FAM120B: variants seen among roughly 807,000 people sequenced by gnomAD.
FAM120B encodes the protein constitutive coactivator of peroxisome proliferator-activated receptor gamma.
FAM120B carries 83 observed loss-of-function variants against 96.3 expected under a neutral mutation model. The observed-to-expected ratio is 0.86, with a 90% CI of 0.72 to 1.03. The LOEUF (loss-of-function observed/expected upper bound fraction) is 1.03, where lower values mean the gene tolerates loss of function less well. Among genes scored for constraint, FAM120B ranks in the 50% least tolerant of loss-of-function variants. The pLI is 0.00. For synonymous variants in FAM120B, 407 were observed against 402.7 expected, an observed-to-expected ratio of 1.01 and a Z score of -0.13; for missense variants, 1,027 against 1,121.2, an observed-to-expected ratio of 0.92 and a Z score of 1.20.
intron 7 of FAM120B, 36 bp downstream of exon 7, chr6:170,388,529 T>TC (rs751587885): frequency 1.3e-6 from 2 of 1,548,042 alleles, no homozygotes; most frequent in Non-Finnish European, 1.8e-6. Context: ...ACCAGAAACA[T>TC]CCCTGTAGCT....
chr6:170,377,624 A>C (rs138043941), intron 6 of FAM120B, among the ~76,000 whole-genome samples: 6 of 5,312 alleles, frequency 1.1e-3, no homozygotes, highest in Admixed American at 1.6e-3. Flanking sequence ...GGGAGAGCAC[A>C]GGCTCACGCT....
intron 4 of FAM120B, among the ~76,000 whole-genome samples, chr6:170,336,425 T>A (rs1786424387): frequency 6.6e-6 from 1 of 152,176 alleles, no homozygotes; most frequent in East Asian, 1.9e-4. Context: ...CCACGCTGTT[T>A]TGGTTACTGT....
chr6:170,314,207 T>C (rs2115008649), intron 1 of FAM120B, among the ~76,000 whole-genome samples: 1 of 152,372 alleles, frequency 6.6e-6, no homozygotes. Flanking sequence ...AGCTCCTTAC[T>C]GGGATTTCCT....
intron 1 of FAM120B, among the ~76,000 whole-genome samples, chr6:170,297,209 C>T (rs886649172): frequency 2.6e-5 from 4 of 152,224 alleles, no homozygotes; most frequent in Admixed American, 1.3e-4. Context: ...GTTTCCTCCA[C>T]GCCCTTTCAC....
intron 6 of FAM120B, among the ~76,000 whole-genome samples, chr6:170,383,895 T>C (rs920892429): frequency 5.9e-5 from 9 of 152,182 alleles, no homozygotes; most frequent in Non-Finnish European, 8.8e-5. Context: ...TGGACGAATG[T>C]TTAACAGGCT....
At chr6:170,316,626 A>G (rs1256628532) in intron 1 of FAM120B, among the ~76,000 whole-genome samples, 2 of 152,240 alleles carry the variant, frequency 1.3e-5, no homozygotes, top group South Asian at 2.1e-4. Context: ...GTCAATCACT[A>G]TCTCAGATAC....
chr6:170,369,689 G>GTTTT (rs556518944), intron 6 of FAM120B, among the ~76,000 whole-genome samples: 1 of 133,642 alleles, frequency 7.5e-6, no homozygotes, highest in Non-Finnish European at 1.6e-5. Flanking sequence ...ACTTAGGGTA[G>GTTTT]TTTTTTTTTT....
rs1161307772 is a variant in FAM120B at position 170,295,917 on chromosome 6, G to C, written c.48+464G>C. Reference sequence around the variant, plus strand: ...GCATGTGCTGATTTGCATGAGAACGGGCGGGTCGCGTGGCTCAGCTGGCGG... The same window carrying C: ...GCATGTGCTGATTTGCATGAGAACGCGCGGGTCGCGTGGCTCAGCTGGCGG... On this transcript the variant is annotated intron_variant, in intron 1 of 10. Transcript: ENST00000537664. This position sits in a 1 kb window ranked among gnomAD's most constrained non-coding sequence, Gnocchi z 7.8. 6.6e-6 allele frequency among the ~76,000 whole-genome samples: 1 copy of C among 152,058 alleles called. No individual in the cohort carries two copies. Among genetic ancestry groups the C allele is most frequent in the African/African-American group, 2.4e-5 (1 of 41,434 alleles).
chr6:170,290,997 G>T (rs1016547601), upstream of FAM120B: 1 of 701,878 alleles, frequency 1.4e-6, no homozygotes, highest in South Asian at 1.5e-5. The surrounding 1 kb of genome is among the most constrained non-coding windows in gnomAD (Gnocchi z 4.7). Flanking sequence ...ATGCAAATCA[G>T]CAGCCCCCCA....
intron 6 of FAM120B, among the ~76,000 whole-genome samples, chr6:170,365,689 C>T (rs1286001054): frequency 6.6e-6 from 1 of 152,048 alleles, no homozygotes; most frequent in Admixed American, 6.5e-5. Flanking sequence ...GCACGGGCCT[C>T]CTGACACACA....
chr6:170,404,492 G>T, intron 9 of FAM120B, 58 bp from the exon 10 acceptor site: 1 of 1,452,604 alleles, frequency 6.9e-7, no homozygotes. Context: ...CAGCATTCTT[G>T]TTTGTGTATT....
chr6:170,306,349 A>G (rs9356636), upstream of FAM120B, among the ~76,000 whole-genome samples: 17,347 of 151,602 alleles, frequency 0.11, 1,319 homozygotes, highest in East Asian at 0.31. Flanking sequence ...CCTCAGGGCC[A>G]CCCGCCTGGG....
In FAM120B at chr6:170,379,017, G is replaced by C. The variant is rs144721452; in HGVS notation, c.2284-9270G>C. On this transcript the variant is annotated intron_variant, in intron 6 of 10. Coordinates refer to ENST00000476287, the MANE Select transcript of FAM120B (RefSeq NM_032448.3). The stretch of plus-strand genomic sequence containing the variant: ...CATGGGCCCAGGCAGCCTTGGTGAG[G>C]GGTTTCTCTGGCGTTTATGCTGAGG... Among the ~76,000 whole-genome samples the C allele has an allele frequency of 8.6e-4, 131 of 152,306 alleles. 1 individual carries two copies. The highest frequency in any genetic ancestry group is 1.5e-3 in the Non-Finnish European group (100 of 68,038).
At chr6:170,315,922 A>G (rs1784869161) in intron 1 of FAM120B, among the ~76,000 whole-genome samples, 1 of 150,394 alleles carries the variant, frequency 6.6e-6, no homozygotes, top group African/African-American at 2.5e-5. Context: ...TCTTGTCTCC[A>G]CTGGAAAAAA....
chr6:170,314,384 C>G (rs1784770812), intron 1 of FAM120B, among the ~76,000 whole-genome samples: 1 of 152,214 alleles, frequency 6.6e-6, no homozygotes, highest in Non-Finnish European at 1.5e-5. Context: ...CTGGGCCTGT[C>G]CCATGCAGAT....
At chr6:170,324,732 GTTTC>G (rs1355161340) in intron 3 of FAM120B, among the ~76,000 whole-genome samples, 1 of 152,052 alleles carries the variant, frequency 6.6e-6, no homozygotes, top group East Asian at 1.9e-4. Context: ...TTGATCTTTA[GTTTC>G]TTTCTTTCTC....
chr6:170,343,399 A>G (rs948197048), intron 4 of FAM120B, among the ~76,000 whole-genome samples: 2 of 152,108 alleles, frequency 1.3e-5, no homozygotes, highest in Non-Finnish European at 2.9e-5. Flanking sequence ...AGTTCTGGAG[A>G]GAGCTATGGA....
intron 6 of FAM120B, among the ~76,000 whole-genome samples, chr6:170,360,744 T>C (rs186732864): frequency 6.6e-6 from 1 of 152,280 alleles, no homozygotes; most frequent in Admixed American, 6.5e-5. Context: ...AGGAAAATGC[T>C]TCCACAAGGA....
intron 9 of FAM120B, among the ~76,000 whole-genome samples, chr6:170,398,240 G>A (rs1043524672): frequency 3.9e-5 from 6 of 152,234 alleles, no homozygotes; most frequent in African/African-American, 1.4e-4. Flanking sequence ...TTCTAGCTCT[G>A]GAATTCTGTG....
Sources: gnomAD v4.1 joint callset for allele counts (sites outside exome capture counted in the v4.1 genomes callset) on GRCh38, gnomAD v4.1.1 for gene constraint, Gnocchi (gnomAD v3.1) non-coding constraint, MANE v1.5 for transcripts, NCBI Gene and HGNC (gene_info 2026-07-23, HGNC 2026-07-21) for gene names.